The following DIP2B variants were observed in gnomAD, a reference collection of about 807,000 sequenced individuals.
The protein encoded by DIP2B is disco-interacting protein 2 homolog B.
DIP2B carries 76 observed loss-of-function variants against 198.0 expected under a neutral mutation model. That is an observed-to-expected ratio of 0.38 (90% CI 0.32 to 0.46). The LOEUF is 0.46. DIP2B is among the 20% of genes least tolerant of loss of function. DIP2B has a pLI of 0.99. For missense variants in DIP2B, 1,559 were observed against 1,978.4 expected (o/e 0.79, Z 4.02); for synonymous variants, 701 against 739.1 (o/e 0.95, Z 0.84).
chr12:50,624,061 C>T (rs1416920001), intron 1 of DIP2B, among the ~76,000 whole-genome samples: 2 of 152,100 alleles, frequency 1.3e-5, no homozygotes, highest in African/African-American at 2.4e-5. Flanking sequence ...TTTTTGTGCA[C>T]GTGTGTGAAT....
intron 2 of DIP2B, among the ~76,000 whole-genome samples, chr12:50,627,876 T>C (rs1458452381): frequency 6.6e-6 from 1 of 152,192 alleles, no homozygotes; most frequent in East Asian, 1.9e-4. Flanking sequence ...TCTGTCCCCT[T>C]CCATGATTAC....
intron 1 of DIP2B, among the ~76,000 whole-genome samples, chr12:50,590,077 C>T (rs548778097): frequency 1.3e-5 from 2 of 151,948 alleles, no homozygotes; most frequent in Non-Finnish European, 2.9e-5. Context: ...CTCACTGAGA[C>T]CTCAAACTCC....
chr12:50,628,561 C>G (rs116877678), intron 2 of DIP2B, among the ~76,000 whole-genome samples: 1,551 of 152,212 alleles, frequency 0.01, 12 homozygotes, highest in South Asian at 0.019. Context: ...TCATCTCTAT[C>G]GTACAGTCAT....
chr12:50,667,603 C>T (rs1488735028), intron 4 of DIP2B, among the ~76,000 whole-genome samples: 1 of 152,116 alleles, frequency 6.6e-6, no homozygotes, highest in Non-Finnish European at 1.5e-5. Flanking sequence ...CGGATAGTTT[C>T]TTATCTGTGA....
intron 9 of DIP2B, among the ~76,000 whole-genome samples, chr12:50,681,678 A>T (rs1394484900): frequency 6.6e-6 from 1 of 152,204 alleles, no homozygotes; most frequent in Non-Finnish European, 1.5e-5. Context: ...AGAATGAAAC[A>T]CCAACTACAC....
At chr12:50,723,109 C>G in intron 26 of DIP2B, 93 bp from the exon 27 acceptor site, 3 of 1,517,010 alleles carry the variant, frequency 2.0e-6, no homozygotes, top group Non-Finnish European at 2.7e-6. Context: ...CTGTCTGGCA[C>G]ATGATTTAAT....
intron 23 of DIP2B, among the ~76,000 whole-genome samples, 160 bp downstream of exon 23, chr12:50,714,756 A>G (rs1219984818): frequency 3.3e-5 from 5 of 152,232 alleles, no homozygotes; most frequent in Admixed American, 3.3e-4. Flanking sequence ...CCTGGGCGAC[A>G]TGGTAAAATC....
rs760566973 is a variant in DIP2B at position 50,625,998 on chromosome 12, T to C, written c.123T>C (p.Tyr41=). 3.1e-6 allele frequency: 5 copies of C among 1,614,066 alleles called. No homozygotes were observed. In the East Asian group the frequency reaches 6.7e-5, roughly 22 times the overall value. The part of the protein sequence containing the change: ...LSEGDITQKG[Y]EKKRSKLLSP... ...TAGGGGACATCACCCAGAAGGGCTATGAAAAGAAAAGGTCCAAACTCCTAT... is the reference window on the plus strand; with the variant it reads ...TAGGGGACATCACCCAGAAGGGCTACGAAAAGAAAAGGTCCAAACTCCTAT... The change falls in exon 2 of 38, where the codon TAT becomes TAC. Residue 41 remains tyrosine, a synonymous_variant. Transcript: ENST00000301180.
At chr12:50,614,751 A>G (rs1367353719) in intron 1 of DIP2B, among the ~76,000 whole-genome samples, 1 of 152,208 alleles carries the variant, frequency 6.6e-6, no homozygotes, top group Non-Finnish European at 1.5e-5. Flanking sequence ...TTATAAACCT[A>G]TGCCAAACAC....
At chr12:50,623,423 A>T (rs1937857382) in intron 1 of DIP2B, among the ~76,000 whole-genome samples, 1 of 112,530 alleles carries the variant, frequency 8.9e-6, no homozygotes, top group Admixed American at 9.2e-5. Flanking sequence ...ACACACACAC[A>T]CACACACACA....
chr12:50,522,456 C>T (rs935814582), intron 1 of DIP2B, among the ~76,000 whole-genome samples: 5 of 152,136 alleles, frequency 3.3e-5, no homozygotes, highest in South Asian at 4.2e-4. Flanking sequence ...CATTGCAGGG[C>T]GCACACATAC....
In DIP2B at chr12:50,714,272, A is replaced by G. The variant is rs1290023274; in HGVS notation, c.2650-123A>G. 4 of 970,244 alleles carry G rather than the reference A, an allele frequency of 4.1e-6. No homozygotes were observed. In the South Asian group the frequency reaches 6.4e-5, roughly 15 times the overall value. The allele number at this position is 970,244 out of a possible 1,614,324, so 60.1% of individuals were successfully genotyped here. On this transcript the variant is annotated intron_variant, in intron 22 of 37. Transcript: ENST00000301180. ...ATATATGGAATCTTAGTGATCTGCC[A>G]GATTCTAGATCTAGAATGGGTAGAG...
rs576980972 is a variant in DIP2B at position 50,505,000 on chromosome 12, A to T, written c.-141A>T. On this transcript the variant is annotated 5_prime_UTR_variant, in exon 1 of 38. The change abolishes an upstream ATG in the 5' untranslated region. Transcript: ENST00000301180. ...CGTCGCGCTCACGTGACCTTTGCTC[A>T]TGGCGGCGGCGGCGGCGGCGGCGGT... 5.5e-6 allele frequency: 3 copies of T among 544,582 alleles called. No homozygotes were observed. The highest frequency in any genetic ancestry group is 3.2e-5 in the Admixed American group (1 of 31,088). 33.7% of individuals were successfully genotyped at this position (544,582 alleles called of 1,614,324 possible).
At chr12:50,567,592 A>G (rs1037912217) in intron 1 of DIP2B, among the ~76,000 whole-genome samples, 2 of 152,144 alleles carry the variant, frequency 1.3e-5, no homozygotes, top group African/African-American at 4.8e-5. Flanking sequence ...CAGTGGCGCC[A>G]TCTTGGCTTA....
intron 1 of DIP2B, among the ~76,000 whole-genome samples, chr12:50,528,821 G>T (rs1168206110): frequency 6.6e-6 from 1 of 152,134 alleles, no homozygotes. Flanking sequence ...GAGAGTTGGG[G>T]GCCAGGAAGA....
At position 50,742,394 on chromosome 12, in the gene DIP2B, C is replaced by CAAAAAAAAAAAAAAAA. The variant is rs59566626; in HGVS notation, c.4478+868_4478+883dup. On this transcript the variant is annotated intron_variant, in intron 37 of 37. Transcript: ENST00000301180. ...CCCTGGTGACAGACTGAGACTGTCT[C>CAAAAAAAAAAAAAAAA]AAAAAAAAAAAAAAAAAAAAAAAAA... 6.7e-4 allele frequency among the ~76,000 whole-genome samples: 32 copies of CAAAAAAAAAAAAAAAA among 47,474 alleles called. 2 individuals carry two copies. The highest frequency in any genetic ancestry group is 1.3e-3 in the Admixed American group (4 of 3,078). The allele number at this position is 47,474 out of a possible 152,430, so 31.1% of individuals were successfully genotyped here. A position where few individuals can be genotyped will look rare whatever the true frequency, so the allele number is the denominator to read the frequency against.
intron 1 of DIP2B, among the ~76,000 whole-genome samples, chr12:50,539,389 G>T (rs140000895): frequency 2.6e-5 from 4 of 151,706 alleles, no homozygotes; most frequent in Admixed American, 1.3e-4. Flanking sequence ...AAACCTAGGC[G>T]GGTGGATCAC....
intron 37 of DIP2B, chr12:50,743,620 AAATC>A (rs1226914806): frequency 6.6e-6 from 1 of 152,202 alleles, no homozygotes; most frequent in Non-Finnish European, 1.5e-5. Flanking sequence ...AGTCAATTAC[AAATC>A]AATCAAACTA....
intron 1 of DIP2B, among the ~76,000 whole-genome samples, chr12:50,592,626 C>T (rs893257375): frequency 1.2e-4 from 18 of 152,122 alleles, no homozygotes; most frequent in African/African-American, 2.4e-4. Flanking sequence ...TACAGGCACA[C>T]GCCACTACGC....
Sources: allele counts gnomAD v4.1 joint callset (sites outside exome capture counted in the v4.1 genomes callset), GRCh38; gene constraint gnomAD v4.1.1; transcripts MANE v1.5; gene names NCBI Gene and HGNC (gene_info 2026-07-23, HGNC 2026-07-21).